The following DCAF7 variants were observed in gnomAD, a reference collection of about 807,000 sequenced individuals.
DCAF7 encodes DDB1- and CUL4-associated factor 7.
Under a neutral mutation model 41.2 loss-of-function variants are expected in DCAF7, and 4 were observed. The ratio of observed to expected loss-of-function variants is 0.10; its 90% CI spans 0.05 to 0.22. The LOEUF is 0.22. Ranked by LOEUF, DCAF7 falls within the 10% of genes least tolerant of loss-of-function variation. The probability of loss-of-function intolerance (pLI) is 1.00; values close to 1 mark genes in which losing one functional copy is unlikely to be tolerated. For synonymous variants in DCAF7, 143 were observed against 164.2 expected, an observed-to-expected ratio of 0.87 and a Z score of 0.99; for missense variants, 131 against 443.2, an observed-to-expected ratio of 0.30 and a Z score of 6.32.
chr17:63,586,577 A>T (rs1465669781), intron 6 of DCAF7, among the ~76,000 whole-genome samples: 2 of 152,114 alleles, frequency 1.3e-5, no homozygotes, highest in Non-Finnish European at 2.9e-5. Context: ...CATCCTGGCC[A>T]ACATGGTGAA....
chr17:63,557,367 G>A, intron 1 of DCAF7, among the ~76,000 whole-genome samples: 1 of 152,070 alleles, frequency 6.6e-6, no homozygotes, highest in East Asian at 1.9e-4. Flanking sequence ...ATAAAGGCTG[G>A]GCACAGTGGT....
At chr17:63,582,718 C>T (rs1036064791) in intron 4 of DCAF7, among the ~76,000 whole-genome samples, 1 of 152,188 alleles carries the variant, frequency 6.6e-6, no homozygotes, top group Non-Finnish European at 1.5e-5. Flanking sequence ...ATCCGCCCGC[C>T]TCAGCCTCCC....
chr17:63,566,447 A>C (rs1226001636), intron 1 of DCAF7, among the ~76,000 whole-genome samples: 1 of 152,148 alleles, frequency 6.6e-6, no homozygotes, highest in East Asian at 1.9e-4. Flanking sequence ...AAAATAAATG[A>C]GTAAGAGTAG....
At chr17:63,551,257 G>C (rs1175940371) in intron 1 of DCAF7, among the ~76,000 whole-genome samples, 2 of 151,750 alleles carry the variant, frequency 1.3e-5, no homozygotes, top group Non-Finnish European at 1.5e-5. Flanking sequence ...GGCCACACTA[G>C]ATTTCTATTA....
chr17:63,557,745 T>G (rs1405146790), intron 1 of DCAF7, among the ~76,000 whole-genome samples: 1 of 152,234 alleles, frequency 6.6e-6, no homozygotes, highest in African/African-American at 2.4e-5. Flanking sequence ...TTTGAAGTGA[T>G]AAGTTCAAAT....
chr17:63,568,550 G>A (rs555463191), intron 1 of DCAF7, among the ~76,000 whole-genome samples: 5 of 152,262 alleles, frequency 3.3e-5, no homozygotes, highest in South Asian at 2.1e-4. Context: ...ACTGAAATAC[G>A]TTGAAAGCTA....
rs528641006 is a variant in DCAF7, at chr17:63,578,386, A to G, written c.139-84A>G. ...CTTTAAAACAAAAAACAAACAAAAA[A>G]AACCTCTGTCACTGACCAGGGATCT... On this transcript the variant is annotated intron_variant, in intron 1 of 6. Transcript: ENST00000614556. 1.1e-5 allele frequency: 18 copies of G among 1,572,844 alleles called. No individual in the cohort carries two copies. In the East Asian group the frequency reaches 3.8e-4, roughly 33 times the overall value.
chr17:63,579,595 G>C, intron 3 of DCAF7, 147 bp downstream of exon 3: 1 of 692,708 alleles, frequency 1.4e-6, no homozygotes, highest in South Asian at 1.9e-5. Flanking sequence ...TCCTTTGTGT[G>C]GGTGAGCTTT....
Position 63,590,358 on chromosome 17 carries a change from A to G in DCAF7, c.*1186A>G, listed in dbSNP as rs2033721233. On this transcript the variant is annotated 3_prime_UTR_variant, in exon 7 of 7. Transcript: ENST00000614556. The stretch of plus-strand genomic sequence containing the variant: ...GGACTGCGGCAATCCTGGGCTGTCA[A>G]GTGGATAGATAGTTAAAAAGCATTA... 1 of 152,572 alleles carries G rather than the reference A, an allele frequency of 6.6e-6. No individual in the cohort carries two copies. Among genetic ancestry groups the G allele is most frequent in the Non-Finnish European group, 1.5e-5 (1 of 68,076 alleles). The allele number at this position is 152,572 out of a possible 1,614,324, so 9.5% of individuals were successfully genotyped here.
Position 63,591,016 on chromosome 17 carries a change from G to A in DCAF7, c.*1844G>A, listed in dbSNP as rs1389994593. The A allele has an allele frequency of 6.6e-6, 1 of 152,160 alleles. No individual in the cohort carries two copies. Among genetic ancestry groups the A allele is most frequent in the Non-Finnish European group, 1.5e-5 (1 of 68,048 alleles). 9.4% of individuals were successfully genotyped at this position (152,160 alleles called of 1,614,324 possible). A position where few individuals can be genotyped will look rare whatever the true frequency, so the allele number is the denominator to read the frequency against. ...GACTCTGGCTGGCCATGTGCTTGTG[G>A]TTGCCTCTCCTGCATTTGCCACTGG... On this transcript the variant is annotated 3_prime_UTR_variant, in exon 7 of 7. Transcript: ENST00000614556.
intron 1 of DCAF7, among the ~76,000 whole-genome samples, chr17:63,563,357 T>A (rs998793770): frequency 6.6e-6 from 1 of 152,200 alleles, no homozygotes; most frequent in Admixed American, 6.6e-5. Flanking sequence ...GTTGACAGTA[T>A]GGAGAAATGA....
intron 1 of DCAF7, among the ~76,000 whole-genome samples, chr17:63,559,325 A>G (rs1289184269): frequency 5.3e-5 from 4 of 75,602 alleles, no homozygotes; most frequent in African/African-American, 3.6e-4. Context: ...ATATATGTAT[A>G]TATATATACA....
rs190454079 is a variant in DCAF7 at position 63,556,774 on chromosome 17, G to A, written c.138+5959G>A. On this transcript the variant is annotated intron_variant, in intron 1 of 6. Coordinates refer to ENST00000614556, the MANE Select transcript of DCAF7 (RefSeq NM_005828.5). ...CCAAGCTACTTGGGAGGCTGAGGCA[G>A]GAGAATCACTTGAACCTGGGAGGCG... Among the ~76,000 whole-genome samples, 530 of 152,316 alleles carry A rather than the reference G, an allele frequency of 3.5e-3. 6 individuals are homozygous for A. The highest frequency in any genetic ancestry group is 4.5e-3 in the Non-Finnish European group (307 of 68,024).
rs966504303 is a variant in DCAF7 at position 63,586,088 on chromosome 17, G to T, written c.856+760G>T. ...TGCATTGACCAGAGATTATGCCACT[G>T]CCCTCCAGCCAGGGCAACAGAGCAA... On this transcript the variant is annotated intron_variant, in intron 6 of 6. Transcript: ENST00000614556. Among the ~76,000 whole-genome samples, 15 of 134,584 alleles carry T rather than the reference G, an allele frequency of 1.1e-4. No individual in the cohort carries two copies. In the South Asian group the frequency reaches 1.8e-3, roughly 16 times the overall value. The allele number at this position is 134,584 out of a possible 152,430, so 88.3% of individuals were successfully genotyped here.
At chr17:63,555,845 T>C (rs1447389380) in intron 1 of DCAF7, among the ~76,000 whole-genome samples, 2 of 152,230 alleles carry the variant, frequency 1.3e-5, no homozygotes, top group Non-Finnish European at 2.9e-5. Context: ...CATAGACTTA[T>C]TGGAGATGCT....
At chr17:63,587,563 AGTGCTCTAGAG>A (rs1337023982) in intron 6 of DCAF7, among the ~76,000 whole-genome samples, 2,324 of 152,260 alleles carry the variant, frequency 0.015, 56 homozygotes, top group African/African-American at 0.053. Flanking sequence ...AAAGGGCCTT[AGTGCTCTAGAG>A]GTGCAATTCC....
At chr17:63,562,698 C>T (rs1354042795) in intron 1 of DCAF7, among the ~76,000 whole-genome samples, 44 of 126,402 alleles carry the variant, frequency 3.5e-4, no homozygotes, top group African/African-American at 1.1e-3. Context: ...CTCCCCCCAC[C>T]CCACAACAGT....
intron 1 of DCAF7, among the ~76,000 whole-genome samples, chr17:63,556,185 T>C (rs1324295598): frequency 2.0e-5 from 3 of 152,248 alleles, no homozygotes; most frequent in African/African-American, 4.8e-5. Flanking sequence ...TGGAGTGTTA[T>C]GTTGATTTGG....
chr17:63,570,932 T>C (rs993936425), intron 1 of DCAF7, among the ~76,000 whole-genome samples: 19 of 152,170 alleles, frequency 1.2e-4, no homozygotes, highest in Non-Finnish European at 2.6e-4. Context: ...ATGCCTGTAA[T>C]CCCAGCACTT....
Sources: gnomAD v4.1 joint callset for allele counts (sites outside exome capture counted in the v4.1 genomes callset) on GRCh38, gnomAD v4.1.1 for gene constraint, MANE v1.5 for transcripts, NCBI Gene and HGNC (gene_info 2026-07-23, HGNC 2026-07-21) for gene names.